PIK3C2G: variants seen among roughly 807,000 people sequenced by gnomAD.
PIK3C2G encodes the protein phosphatidylinositol 3-kinase C2 domain-containing subunit gamma.
A neutral mutation model predicts 181.1 loss-of-function variants in PIK3C2G; 168 were observed. The ratio of observed to expected loss-of-function variants is 0.93; its 90% CI spans 0.82 to 1.05. The LOEUF (loss-of-function observed/expected upper bound fraction) is 1.05, where lower values mean the gene tolerates loss of function less well. Among genes scored for constraint, PIK3C2G ranks in the 50% least tolerant of loss-of-function variants. PIK3C2G has a pLI of 0.00. For missense variants in PIK3C2G, 1,869 were observed against 1,732.8 expected, an observed-to-expected ratio of 1.08 and a Z score of -1.40; for synonymous variants, 573 against 592.2, an observed-to-expected ratio of 0.97 and a Z score of 0.47.
intron 11 of PIK3C2G, among the ~76,000 whole-genome samples, chr12:18,348,801 G>A (rs1939932706): frequency 6.6e-6 from 1 of 152,162 alleles, no homozygotes; most frequent in Non-Finnish European, 1.5e-5. Flanking sequence ...ACTTTGATGA[G>A]TTCACATTCT....
chr12:18,519,121 T>C (rs1423740774), intron 24 of PIK3C2G, among the ~76,000 whole-genome samples: 1 of 152,232 alleles, frequency 6.6e-6, no homozygotes, highest in Non-Finnish European at 1.5e-5. Context: ...TCAATTCTTT[T>C]GCATTTGCTG....
intron 12 of PIK3C2G, chr12:18,363,148 T>C (rs1258771711): frequency 3.7e-6 from 1 of 272,548 alleles, no homozygotes; most frequent in Non-Finnish European, 6.8e-6. Context: ...AGAAGACTTA[T>C]TAATCATTCA....
chr12:18,379,282 C>A (rs2137945584), intron 13 of PIK3C2G, among the ~76,000 whole-genome samples: 1 of 146,926 alleles, frequency 6.8e-6, no homozygotes, highest in South Asian at 2.1e-4. Context: ...CCAAACACCA[C>A]ATGTTCTCAC....
chr12:18,415,965 C>A (rs963498291), intron 16 of PIK3C2G, among the ~76,000 whole-genome samples: 22 of 152,054 alleles, frequency 1.4e-4, no homozygotes, highest in African/African-American at 4.8e-4. Context: ...AGAAAAAAGC[C>A]GGGCGGGCGC....
chr12:18,408,961 T>A (rs1299291988), intron 16 of PIK3C2G, among the ~76,000 whole-genome samples: 1 of 152,186 alleles, frequency 6.6e-6, no homozygotes, highest in East Asian at 1.9e-4. Context: ...GAGTGTAAAT[T>A]AGTTCAACCT....
At chr12:18,651,453 A>G (rs1950514472), downstream of PIK3C2G, among the ~76,000 whole-genome samples, 1 of 152,260 alleles carries the variant, frequency 6.6e-6, no homozygotes, top group East Asian at 1.9e-4. Flanking sequence ...TTTGCTTATT[A>G]TTTATGCTTT....
the PIK3C2G span, among the ~76,000 whole-genome samples, chr12:18,708,804 A>G: frequency 6.6e-6 from 1 of 151,878 alleles, no homozygotes; most frequent in Admixed American, 6.6e-5. Flanking sequence ...GGCCATTTTT[A>G]TGTCTTCTTT....
At chr12:18,520,752 C>A (rs1013674666) in intron 24 of PIK3C2G, among the ~76,000 whole-genome samples, 6 of 152,110 alleles carry the variant, frequency 3.9e-5, no homozygotes, top group East Asian at 1.9e-4. Context: ...CAGTTCTGCA[C>A]CCTTGCTGGA....
At chr12:18,375,306 T>C (rs1942358418) in intron 13 of PIK3C2G, among the ~76,000 whole-genome samples, 1 of 152,240 alleles carries the variant, frequency 6.6e-6, no homozygotes, top group African/African-American at 2.4e-5. Flanking sequence ...GTCACTCTTG[T>C]TATGCCTTAG....
At chr12:18,540,205 A>G (rs932318716) in intron 25 of PIK3C2G, among the ~76,000 whole-genome samples, 2 of 151,792 alleles carry the variant, frequency 1.3e-5, no homozygotes, top group African/African-American at 4.8e-5. Flanking sequence ...AAAATTTTCA[A>G]CTTAATGAGG....
intron 31 of PIK3C2G, among the ~76,000 whole-genome samples, chr12:18,613,123 T>C (rs1172530737): frequency 6.6e-6 from 1 of 152,144 alleles, no homozygotes; most frequent in East Asian, 1.9e-4. Flanking sequence ...CTTAAAATGC[T>C]CTCTTTCATT....
intron 5 of PIK3C2G, among the ~76,000 whole-genome samples, chr12:18,300,762 C>G (rs1276563162): frequency 6.6e-6 from 1 of 151,966 alleles, no homozygotes; most frequent in African/African-American, 2.4e-5. Flanking sequence ...AGTTCTTTTT[C>G]TTTCTCATTT....
the PIK3C2G span, among the ~76,000 whole-genome samples, chr12:18,691,220 C>G: frequency 1.3e-5 from 2 of 152,078 alleles, no homozygotes; most frequent in African/African-American, 2.4e-5. Context: ...TCCCAATTTT[C>G]TAGTCCGAGC....
At chr12:18,534,764 G>C (rs1270256414) in intron 24 of PIK3C2G, among the ~76,000 whole-genome samples, 2 of 150,884 alleles carry the variant, frequency 1.3e-5, no homozygotes, top group African/African-American at 4.9e-5. Flanking sequence ...CAAGATTTTT[G>C]GTCCTGATAT....
At chr12:18,529,619 G>A (rs191795120) in intron 24 of PIK3C2G, among the ~76,000 whole-genome samples, 6 of 152,168 alleles carry the variant, frequency 3.9e-5, no homozygotes, top group South Asian at 2.1e-4. Context: ...TTTTGAGTAC[G>A]TATGTATTTG....
intron 5 of PIK3C2G, among the ~76,000 whole-genome samples, chr12:18,297,236 T>C (rs1949979326): frequency 6.6e-6 from 1 of 152,080 alleles, no homozygotes; most frequent in South Asian, 2.1e-4. Flanking sequence ...TCTTCATAAA[T>C]ATATTGATAA....
the PIK3C2G span, among the ~76,000 whole-genome samples, chr12:18,720,809 CA>C: frequency 6.6e-6 from 1 of 151,678 alleles, no homozygotes; most frequent in Admixed American, 6.6e-5. Flanking sequence ...AAGATAAGTG[CA>C]GGGGAATAAA....
chr12:18,537,288 A>T (rs934703976), intron 24 of PIK3C2G, among the ~76,000 whole-genome samples: 1 of 152,118 alleles, frequency 6.6e-6, no homozygotes, highest in Admixed American at 6.6e-5. Context: ...TTAAATTGCT[A>T]CTTGGTCTAA....
At chr12:18,275,385 T>C (rs77933062) in intron 1 of PIK3C2G, among the ~76,000 whole-genome samples, 1 of 152,118 alleles carries the variant, frequency 6.6e-6, no homozygotes, top group Non-Finnish European at 1.5e-5. Context: ...CCTCTTAATT[T>C]ATTTATTTTT....
Sources: gnomAD v4.1 joint callset for allele counts (sites outside exome capture counted in the v4.1 genomes callset) on GRCh38, gnomAD v4.1.1 for gene constraint, MANE v1.5 for transcripts, NCBI Gene and HGNC (gene_info 2026-07-23, HGNC 2026-07-21) for gene names.